The following EFR3A variants were observed in gnomAD, a reference collection of about 807,000 sequenced individuals.
EFR3A encodes the protein EFR3 homolog A, also known as protein EFR3 homolog A.
Under a neutral mutation model 104.4 loss-of-function variants are expected in EFR3A, and 76 were observed. That is an observed-to-expected ratio of 0.73 (90% CI 0.60 to 0.88). The LOEUF (loss-of-function observed/expected upper bound fraction) is 0.88, where lower values mean the gene tolerates loss of function less well. Among genes scored for constraint, EFR3A ranks in the 40% least tolerant of loss-of-function variants. The pLI is 0.00. For synonymous variants in EFR3A, 330 were observed against 330.0 expected, an observed-to-expected ratio of 1.00 and a Z score of 0.00; for missense variants, 985 against 1,012.5, an observed-to-expected ratio of 0.97 and a Z score of 0.37.
chr8:131,995,568 G>T (rs565105123), intron 18 of EFR3A, among the ~76,000 whole-genome samples: 2 of 152,264 alleles, frequency 1.3e-5, no homozygotes, highest in East Asian at 3.9e-4. Flanking sequence ...AAATTCAAAT[G>T]TTCATGAAGT....
intron 1 of EFR3A, among the ~76,000 whole-genome samples, chr8:131,932,878 T>G (rs964199066): frequency 1.3e-5 from 2 of 152,154 alleles, no homozygotes; most frequent in Admixed American, 1.3e-4. Flanking sequence ...AAATTGTGGA[T>G]AGTCTGATTT....
Position 131,911,352 on chromosome 8 carries a change from T to C in EFR3A, c.10+7030T>C, listed in dbSNP as rs1180646687. On this transcript the variant is annotated intron_variant, in intron 1 of 22. Transcript: ENST00000254624. ...CTGAAATCTTTAAGGTATCATATAA[T>C]ATATAGATGGATATTCAGTAAGGCT... Among the ~76,000 whole-genome samples, 3 of 152,222 alleles carry C rather than the reference T, an allele frequency of 2.0e-5. No individual in the cohort carries two copies. The East Asian group carries it at 5.8e-4, about 29-fold the overall frequency.
chr8:131,904,346 G>A (rs1467462749), intron 1 of EFR3A, 24 bp downstream of exon 1: 5 of 1,247,470 alleles, frequency 4.0e-6, no homozygotes, highest in Non-Finnish European at 4.0e-6. Context: ...CGAGGGCCGG[G>A]GGCGTTGGGA....
chr8:131,955,052 A>G (rs1209821562), intron 6 of EFR3A, among the ~76,000 whole-genome samples: 1 of 152,096 alleles, frequency 6.6e-6, no homozygotes, highest in Non-Finnish European at 1.5e-5. Context: ...AGCTGAGGTG[A>G]AAGTTTCCTT....
chr8:131,955,285 A>G (rs756619157), intron 6 of EFR3A, among the ~76,000 whole-genome samples: 1 of 152,148 alleles, frequency 6.6e-6, no homozygotes, highest in African/African-American at 2.4e-5. Flanking sequence ...ATAATGTTTC[A>G]GGATATGAAC....
At position 131,978,838 on chromosome 8, in the gene EFR3A, G is replaced by A. The variant is rs16904563; in HGVS notation, c.1327-9G>A. 155,022 of 1,517,566 alleles carry A rather than the reference G, an allele frequency of 0.1. 9,154 individuals are homozygous for A. The highest frequency in any genetic ancestry group is 0.2 in the South Asian group (14,694 of 71,954). The allele number at this position is 1,517,566 out of a possible 1,614,324, so 94.0% of individuals were successfully genotyped here. On this transcript the variant is annotated splice_polypyrimidine_tract_variant and intron_variant, in intron 12 of 22. Coordinates refer to ENST00000254624, the MANE Select transcript of EFR3A (RefSeq NM_015137.6). ...ACAAAAGGTTGTTTGTTTTCTTCTCGATAATCAGGTGACCTCTGGATATAA... is the reference window on the plus strand; with the variant it reads ...ACAAAAGGTTGTTTGTTTTCTTCTCAATAATCAGGTGACCTCTGGATATAA...
At chr8:131,927,144 T>A (rs1195305536) in intron 1 of EFR3A, among the ~76,000 whole-genome samples, 1 of 152,080 alleles carries the variant, frequency 6.6e-6, no homozygotes, top group Admixed American at 6.6e-5. Context: ...ACCCAAATGG[T>A]AATGGTTGTG....
chr8:131,945,768 A>T (rs181986079), intron 3 of EFR3A, among the ~76,000 whole-genome samples: 3 of 152,116 alleles, frequency 2.0e-5, no homozygotes, highest in Admixed American at 2.0e-4. Context: ...TTTATTTATC[A>T]CTTCTGTGTG....
At chr8:131,984,887 A>G (rs747643512) in intron 15 of EFR3A, 42 bp from the exon 16 acceptor site, 15 of 1,562,770 alleles carry the variant, frequency 9.6e-6, no homozygotes, top group Admixed American at 3.6e-5. Flanking sequence ...CTGGTGAAGT[A>G]TAAGAACTTG....
intron 8 of EFR3A, among the ~76,000 whole-genome samples, chr8:131,966,236 C>CA (rs574314909): frequency 4.6e-5 from 7 of 151,222 alleles, no homozygotes; most frequent in African/African-American, 1.5e-4. Flanking sequence ...TAAAAAGCAA[C>CA]AAAAAAAAGA....
Position 132,011,740 on chromosome 8 carries a change from C to T in EFR3A, c.*845C>T, listed in dbSNP as rs1386131607. On this transcript the variant is annotated 3_prime_UTR_variant, in exon 23 of 23. Transcript: ENST00000254624. Reference sequence around the variant, plus strand: ...TAGTGCAGAAAAAAGACATTTAAAACAGCTATTAGTTCACCTGTGAAGAGT... The same window carrying T: ...TAGTGCAGAAAAAAGACATTTAAAATAGCTATTAGTTCACCTGTGAAGAGT... The T allele has an allele frequency of 6.6e-6, 1 of 152,542 alleles. No individual in the cohort carries two copies. Among genetic ancestry groups the T allele is most frequent in the East Asian group, 1.9e-4 (1 of 5,192 alleles). The allele number at this position is 152,542 out of a possible 1,614,324, so 9.4% of individuals were successfully genotyped here. A position where few individuals can be genotyped will look rare whatever the true frequency, so the allele number is the denominator to read the frequency against.
Position 132,012,490 on chromosome 8 carries a change from C to T in EFR3A, c.*1595C>T, listed in dbSNP as rs886784501. 2.6e-5 allele frequency: 4 copies of T among 152,490 alleles called. No individual in the cohort carries two copies. Among genetic ancestry groups the T allele is most frequent in the Admixed American group, 6.5e-5 (1 of 15,268 alleles). 9.4% of individuals were successfully genotyped at this position (152,490 alleles called of 1,614,324 possible). A position where few individuals can be genotyped will look rare whatever the true frequency, so the allele number is the denominator to read the frequency against. On this transcript the variant is annotated 3_prime_UTR_variant, in exon 23 of 23. Coordinates refer to ENST00000254624, the MANE Select transcript of EFR3A (RefSeq NM_015137.6). ...TTCAGAGTGACAGTGGAGTCGTTACCGCTGGAGGACTAAAGGGCCCTGTGG... is the reference window on the plus strand; with the variant it reads ...TTCAGAGTGACAGTGGAGTCGTTACTGCTGGAGGACTAAAGGGCCCTGTGG...
intron 10 of EFR3A, among the ~76,000 whole-genome samples, chr8:131,975,412 A>ATTTTT (rs5895119): frequency 1.3e-4 from 15 of 111,144 alleles, no homozygotes; most frequent in South Asian, 2.9e-4. Flanking sequence ...TTTTTTTCCT[A>ATTTTT]TTTTTTTTTT....
At chr8:131,908,217 C>T (rs1404687523) in intron 1 of EFR3A, among the ~76,000 whole-genome samples, 2 of 152,002 alleles carry the variant, frequency 1.3e-5, no homozygotes, top group African/African-American at 2.4e-5. Flanking sequence ...TGTGCCACCA[C>T]GCCCGGCTAA....
At chr8:131,952,426 T>C (rs982152795) in intron 5 of EFR3A, among the ~76,000 whole-genome samples, 3 of 152,124 alleles carry the variant, frequency 2.0e-5, no homozygotes, top group Non-Finnish European at 4.4e-5. Context: ...TAGCTATTGG[T>C]AGTTACCACC....
At position 131,977,066 on chromosome 8, in the gene EFR3A, A is replaced by G. The variant is rs1317105059; in HGVS notation, c.1300A>G (p.Ile434Val). 4.4e-6 allele frequency: 7 copies of G among 1,603,422 alleles called. No homozygotes were observed. Among genetic ancestry groups the G allele is most frequent in the Non-Finnish European group, 1.7e-6 (2 of 1,174,514 alleles). ...GGATTTGGGAACCAGGAGAATTCAG[A>G]TAATGTTGCTGAGATCTTTGCTTAT... ...LGDLGTRRIQ[I>V]MLLRSLLMVT... The change falls in exon 12 of 23, where the codon ATA becomes GTA. Residue 434 changes from isoleucine (I) to valine (V), a missense_variant. Coordinates refer to ENST00000254624, the MANE Select transcript of EFR3A (RefSeq NM_015137.6).
At chr8:131,967,711 C>T (rs1367192861) in intron 8 of EFR3A, among the ~76,000 whole-genome samples, 4 of 151,712 alleles carry the variant, frequency 2.6e-5, no homozygotes, top group East Asian at 1.9e-4. Flanking sequence ...TTGTTAATTG[C>T]ACATCTTTTG....
chr8:131,944,280 A>T (rs1391187989), intron 2 of EFR3A, among the ~76,000 whole-genome samples: 2 of 152,078 alleles, frequency 1.3e-5, no homozygotes, highest in Non-Finnish European at 2.9e-5. Flanking sequence ...TACAGCTCTG[A>T]ATACTTTCTT....
chr8:131,929,606 C>CTA (rs1817483578), intron 1 of EFR3A, among the ~76,000 whole-genome samples: 1 of 152,138 alleles, frequency 6.6e-6, no homozygotes, highest in Non-Finnish European at 1.5e-5. Flanking sequence ...CTACGAGCTA[C>CTA]TAAATGGCCA....
Sources: allele counts gnomAD v4.1 joint callset (sites outside exome capture counted in the v4.1 genomes callset), GRCh38; gene constraint gnomAD v4.1.1; transcripts MANE v1.5; gene names NCBI Gene and HGNC (gene_info 2026-07-23, HGNC 2026-07-21).